The following ARB2A variants were observed in gnomAD, a reference collection of about 807,000 sequenced individuals.
ARB2A encodes the protein cotranscriptional regulator ARB2A.
the ARB2A span, among the ~76,000 whole-genome samples, chr5:93,816,190 T>C: frequency 6.6e-6 from 1 of 152,158 alleles, no homozygotes; most frequent in Non-Finnish European, 1.5e-5. Context: ...ATGTCTGAGG[T>C]GCACTGTGCC....
the ARB2A span, among the ~76,000 whole-genome samples, chr5:94,068,148 G>A: frequency 6.6e-6 from 1 of 152,142 alleles, no homozygotes; most frequent in African/African-American, 2.4e-5. Flanking sequence ...GGGGTTCCTG[G>A]CCTCACGGAT....
chr5:94,015,980 T>G, the ARB2A span, among the ~76,000 whole-genome samples: 60 of 152,222 alleles, frequency 3.9e-4, 1 homozygote, highest in African/African-American at 1.4e-3. Context: ...ATTCTCTAAT[T>G]AAAAAGCACC....
the ARB2A span, among the ~76,000 whole-genome samples, chr5:93,827,499 C>T: frequency 4.6e-4 from 70 of 152,108 alleles, 1 homozygote; most frequent in Admixed American, 1.8e-3. Flanking sequence ...GATATTAGCC[C>T]TTTGTCAGAT....
chr5:93,791,692 G>C, the ARB2A span, among the ~76,000 whole-genome samples: 1 of 152,118 alleles, frequency 6.6e-6, no homozygotes, highest in Admixed American at 6.6e-5. Flanking sequence ...GAAGGAAAAG[G>C]CTCTCCATAG....
At chr5:93,889,892 T>A in the ARB2A span, among the ~76,000 whole-genome samples, 8 of 152,022 alleles carry the variant, frequency 5.3e-5, no homozygotes, top group Middle Eastern at 3.4e-3. Context: ...ATGAACTTAC[T>A]TTTCTTTCAA....
At chr5:93,980,465 A>G in the ARB2A span, among the ~76,000 whole-genome samples, 1 of 152,190 alleles carries the variant, frequency 6.6e-6, no homozygotes, top group African/African-American at 2.4e-5. Flanking sequence ...TGAGGACTCA[A>G]TGTAGTTCCT....
the ARB2A span, among the ~76,000 whole-genome samples, chr5:93,957,034 GA>G: frequency 1.3e-5 from 2 of 151,810 alleles, no homozygotes; most frequent in African/African-American, 4.8e-5. Context: ...TTTTTAAGAA[GA>G]AAAAAATCAA....
the ARB2A span, among the ~76,000 whole-genome samples, chr5:94,044,379 G>A: frequency 6.6e-6 from 1 of 152,106 alleles, no homozygotes; most frequent in African/African-American, 2.4e-5. Flanking sequence ...ACCTCTTGTT[G>A]GAACTCAAAA....
chr5:93,967,284 T>C, the ARB2A span, among the ~76,000 whole-genome samples: 2 of 152,094 alleles, frequency 1.3e-5, no homozygotes, highest in Non-Finnish European at 2.9e-5. Context: ...TTCATTCTAA[T>C]AAGAAACAGA....
the ARB2A span, among the ~76,000 whole-genome samples, chr5:93,884,225 T>C: frequency 1.3e-5 from 2 of 151,638 alleles, no homozygotes; most frequent in East Asian, 1.9e-4. Context: ...ACTATTATCT[T>C]ATTACTTAAT....
the ARB2A span, among the ~76,000 whole-genome samples, chr5:94,060,612 A>G: frequency 4.6e-5 from 7 of 152,290 alleles, no homozygotes; most frequent in South Asian, 1.2e-3. Flanking sequence ...ATTCTACACA[A>G]TATCTTCCAG....
chr5:93,956,226 C>T, the ARB2A span, among the ~76,000 whole-genome samples: 20 of 152,178 alleles, frequency 1.3e-4, no homozygotes, highest in African/African-American at 3.9e-4. Flanking sequence ...GATTTTCAAA[C>T]TATGACCTGT....
chr5:93,877,061 G>A, the ARB2A span, among the ~76,000 whole-genome samples: 1 of 152,088 alleles, frequency 6.6e-6, no homozygotes, highest in Non-Finnish European at 1.5e-5. Flanking sequence ...TTTCTATTCT[G>A]TAAATGTTTC....
At chr5:93,873,993 A>C in the ARB2A span, among the ~76,000 whole-genome samples, 1 of 152,166 alleles carries the variant, frequency 6.6e-6, no homozygotes, top group Admixed American at 6.5e-5. Flanking sequence ...GGGAAAATTC[A>C]TTTTCGGGGG....
At chr5:94,025,995 C>T in the ARB2A span, among the ~76,000 whole-genome samples, 695 of 152,252 alleles carry the variant, frequency 4.6e-3, 1 homozygote, top group Non-Finnish European at 6.6e-3. Context: ...AGCAAAGAAG[C>T]GGGCTCCATG....
chr5:93,890,816 C>T, the ARB2A span, among the ~76,000 whole-genome samples: 1 of 152,080 alleles, frequency 6.6e-6, no homozygotes, highest in Non-Finnish European at 1.5e-5. Flanking sequence ...ATAATGCTAG[C>T]TTACACTGGT....
chr5:93,929,999 T>G, the ARB2A span, among the ~76,000 whole-genome samples: 1 of 152,156 alleles, frequency 6.6e-6, no homozygotes, highest in Non-Finnish European at 1.5e-5. Flanking sequence ...TGACACTCAC[T>G]TCAGCGCAAT....
chr5:94,080,187 A>G, the ARB2A span, among the ~76,000 whole-genome samples: 1 of 152,196 alleles, frequency 6.6e-6, no homozygotes, highest in African/African-American at 2.4e-5. Context: ...AAAACAGAGT[A>G]TGTCAAACAA....
chr5:93,660,072 C>T, the ARB2A span, among the ~76,000 whole-genome samples: 1 of 151,358 alleles, frequency 6.6e-6, no homozygotes, highest in African/African-American at 2.4e-5. Context: ...CAGTTTCTAT[C>T]TAGCATATAA....
Sources: gnomAD v4.1 joint callset for allele counts (sites outside exome capture counted in the v4.1 genomes callset) on GRCh38, gnomAD v4.1.1 for gene constraint, MANE v1.5 for transcripts, NCBI Gene and HGNC (gene_info 2026-07-23, HGNC 2026-07-21) for gene names.